ECHDC1: variants seen among roughly 807,000 people sequenced by gnomAD.
ECHDC1 encodes ethylmalonyl-CoA decarboxylase 1, also known as ethylmalonyl-CoA decarboxylase.
A neutral mutation model predicts 29.7 loss-of-function variants in ECHDC1; 29 were observed. That is an observed-to-expected ratio of 0.98 (90% CI 0.73 to 1.33). The LOEUF is 1.33. Ranked by LOEUF, ECHDC1 falls within the 40% of genes most tolerant of loss-of-function variation. ECHDC1 has a pLI of 0.00. For synonymous variants in ECHDC1, 126 were observed against 123.1 expected (o/e 1.02, Z -0.15); for missense variants, 328 against 350.0 (o/e 0.94, Z 0.50).
chr6:127,340,657 G>A (rs541562809), intron 1 of ECHDC1, among the ~76,000 whole-genome samples: 2 of 152,130 alleles, frequency 1.3e-5, no homozygotes, highest in Non-Finnish European at 2.9e-5. Flanking sequence ...ATACATGTGG[G>A]GCAGAGGCCC....
chr6:127,317,983 G>A (rs1233816506), intron 3 of ECHDC1: 1 of 152,114 alleles, frequency 6.6e-6, no homozygotes, highest in Admixed American at 6.6e-5. Flanking sequence ...CAACAGCTTT[G>A]CTTCCTAACT....
intron 2 of ECHDC1, chr6:127,329,857 C>T: frequency 4.4e-6 from 2 of 453,974 alleles, no homozygotes; most frequent in South Asian, 3.1e-5. Context: ...TTGGTCAGCA[C>T]TGGTATAGAG....
At chr6:127,322,938 T>C (rs940238988) in intron 3 of ECHDC1, among the ~76,000 whole-genome samples, 1 of 152,042 alleles carries the variant, frequency 6.6e-6, no homozygotes, top group Non-Finnish European at 1.5e-5. Context: ...TACATATATA[T>C]AGGTTGAGCT....
intron 1 of ECHDC1, among the ~76,000 whole-genome samples, chr6:127,334,617 T>C (rs1236780167): frequency 6.6e-6 from 1 of 152,120 alleles, no homozygotes; most frequent in East Asian, 1.9e-4. Flanking sequence ...GAATCTCTTC[T>C]CGTCTGATAT....
intron 3 of ECHDC1, among the ~76,000 whole-genome samples, chr6:127,323,280 A>G (rs1193949251): frequency 3.3e-5 from 5 of 152,224 alleles, no homozygotes; most frequent in African/African-American, 1.2e-4. Flanking sequence ...CGTATAATCA[A>G]ATGACTTGCA....
intron 2 of ECHDC1, among the ~76,000 whole-genome samples, chr6:127,328,811 G>T (rs1262218684): frequency 1.3e-5 from 2 of 152,142 alleles, no homozygotes; most frequent in Non-Finnish European, 2.9e-5. Flanking sequence ...CAGATCACGA[G>T]GTCAGGAGAT....
intron 5 of ECHDC1, among the ~76,000 whole-genome samples, chr6:127,308,372 T>G (rs1199748168): frequency 6.6e-6 from 1 of 152,130 alleles, no homozygotes; most frequent in South Asian, 2.1e-4. Context: ...TGAAACATCA[T>G]ACCAACAGAA....
At chr6:127,299,263 G>GA (rs1780866718) in intron 5 of ECHDC1, among the ~76,000 whole-genome samples, 1 of 151,986 alleles carries the variant, frequency 6.6e-6, no homozygotes, top group Non-Finnish European at 1.5e-5. Context: ...AGGAATTCCA[G>GA]AAGACAGCAT....
In ECHDC1 at chr6:127,312,418, A is replaced by G. The variant is rs984164905; in HGVS notation, c.497+2398T>C. Among the ~76,000 whole-genome samples the G allele has an allele frequency of 2.6e-5, 4 of 152,228 alleles. No individual in the cohort carries two copies. In the East Asian group the frequency reaches 5.8e-4, roughly 22 times the overall value. On this transcript the variant is annotated intron_variant, in intron 5 of 5. Coordinates refer to ENST00000454859, the MANE Select transcript of ECHDC1 (RefSeq NM_001002030.2). ...CAAATGGCTAAATCTAAACAGCTTGACAGTACCACATGTTGGTATTCATGT... is the reference window on the plus strand; with the variant it reads ...CAAATGGCTAAATCTAAACAGCTTGGCAGTACCACATGTTGGTATTCATGT...
intron 3 of ECHDC1, chr6:127,326,570 C>G (rs761246285): frequency 2.4e-6 from 1 of 422,840 alleles, no homozygotes; most frequent in South Asian, 1.9e-5. Context: ...CCATCTGCAA[C>G]TTTCCTGTAA....
intron 5 of ECHDC1, among the ~76,000 whole-genome samples, chr6:127,303,003 T>C (rs1039875684): frequency 8.5e-5 from 13 of 152,302 alleles, no homozygotes; most frequent in Admixed American, 8.5e-4. Context: ...TATTGAACAC[T>C]AGTTTTCAAG....
At chr6:127,301,313 T>C (rs567091388) in intron 5 of ECHDC1, among the ~76,000 whole-genome samples, 1 of 152,360 alleles carries the variant, frequency 6.6e-6, no homozygotes, top group African/African-American at 2.4e-5. Context: ...TCATTTCTTT[T>C]ATATATTCAT....
chr6:127,305,969 A>G (rs1781405943), intron 5 of ECHDC1, among the ~76,000 whole-genome samples: 1 of 151,646 alleles, frequency 6.6e-6, no homozygotes, highest in African/African-American at 2.4e-5. Flanking sequence ...TTGAATGTAC[A>G]TGGACTAAAC....
chr6:127,316,186 T>C (rs1176702198), intron 4 of ECHDC1: 1 of 457,420 alleles, frequency 2.2e-6, no homozygotes, highest in Non-Finnish European at 4.2e-6. Flanking sequence ...TATTCCTAAA[T>C]ACAGCTAGTT....
intron 3 of ECHDC1, among the ~76,000 whole-genome samples, chr6:127,317,128 C>T (rs182148709): frequency 5.5e-4 from 83 of 152,136 alleles, no homozygotes; most frequent in African/African-American, 1.9e-3. Flanking sequence ...TTTCTCTCTC[C>T]ATAACACGTA....
intron 1 of ECHDC1, 84 bp from the exon 2 acceptor site, chr6:127,331,114 T>C: frequency 2.0e-6 from 2 of 998,392 alleles, no homozygotes; most frequent in Non-Finnish European, 3.0e-6. Context: ...GCTGTAGTAA[T>C]GGACCCTTCT....
intron 5 of ECHDC1, among the ~76,000 whole-genome samples, chr6:127,307,662 A>AAAAAAAAAAAAAAAT (rs1781549058): frequency 1.4e-5 from 2 of 143,218 alleles, no homozygotes; most frequent in African/African-American, 5.0e-5. Context: ...AAAAAAAAAA[A>AAAAAAAAAAAAAAAT]GACAGAAAGA....
intron 5 of ECHDC1, among the ~76,000 whole-genome samples, chr6:127,308,854 T>C (rs1052350487): frequency 1.3e-5 from 2 of 152,088 alleles, no homozygotes; most frequent in Admixed American, 1.3e-4. Context: ...AGTAATCCCA[T>C]TTACAATAGC....
At chr6:127,299,208 A>G (rs911475993) in intron 5 of ECHDC1, among the ~76,000 whole-genome samples, 2 of 152,064 alleles carry the variant, frequency 1.3e-5, no homozygotes, top group African/African-American at 4.8e-5. Flanking sequence ...TTACTTTTAT[A>G]TGTAGAAAAT....
Sources: gnomAD v4.1 joint callset for allele counts (sites outside exome capture counted in the v4.1 genomes callset) on GRCh38, gnomAD v4.1.1 for gene constraint, MANE v1.5 for transcripts, NCBI Gene and HGNC (gene_info 2026-07-23, HGNC 2026-07-21) for gene names.